LMBRD1: variants seen among roughly 807,000 people sequenced by gnomAD.
LMBRD1 encodes the protein LMBR1 domain containing 1, also known as lysosomal cobalamin transport escort protein LMBD1.
Under a neutral mutation model 74.8 loss-of-function variants are expected in LMBRD1, and 64 were observed. The observed-to-expected ratio is 0.86, with a 90% CI of 0.70 to 1.05. LMBRD1 has a LOEUF of 1.05. LMBRD1 is among the 50% of genes least tolerant of loss of function. The probability of loss-of-function intolerance (pLI) is 0.00; values close to 1 mark genes in which losing one functional copy is unlikely to be tolerated. For missense variants in LMBRD1, 652 were observed against 645.9 expected, an observed-to-expected ratio of 1.01 and a Z score of -0.10; for synonymous variants, 204 against 216.3, an observed-to-expected ratio of 0.94 and a Z score of 0.50.
intron 7 of LMBRD1, among the ~76,000 whole-genome samples, chr6:69,734,488 C>T (rs1209013451): frequency 1.3e-5 from 2 of 151,936 alleles, no homozygotes; most frequent in African/African-American, 2.4e-5. Flanking sequence ...CTCTGCCTGC[C>T]GAATTCAAGC....
chr6:69,788,291 T>C (rs924285315), intron 2 of LMBRD1, among the ~76,000 whole-genome samples: 5 of 152,086 alleles, frequency 3.3e-5, no homozygotes, highest in Non-Finnish European at 7.4e-5. Context: ...CCAGGGATAA[T>C]TATATGACCT....
rs1051088865 is a variant in LMBRD1 at position 69,674,737 on chromosome 6, G to A, written c.*1421C>T. Among the ~76,000 whole-genome samples, 2 of 152,158 alleles carry A rather than the reference G, an allele frequency of 1.3e-5. No homozygotes were observed. Among genetic ancestry groups the A allele is most frequent in the African/African-American group, 4.8e-5 (2 of 41,436 alleles). The stretch of plus-strand genomic sequence containing the variant: ...TGCCTGTAATCCCAGCACTTTGGGA[G>A]GCCACTGTGGGTGGATCATGAGGTC... On this transcript the variant is annotated 3_prime_UTR_variant, in exon 16 of 16. Coordinates refer to ENST00000649934, the MANE Select transcript of LMBRD1 (RefSeq NM_018368.4).
intron 9 of LMBRD1, among the ~76,000 whole-genome samples, chr6:69,704,685 C>T (rs1014568691): frequency 6.6e-5 from 10 of 152,086 alleles, no homozygotes; most frequent in African/African-American, 2.4e-4. Flanking sequence ...TTAATTAAAA[C>T]ATATGCATAT....
chr6:69,735,949 T>G (rs376252490), intron 7 of LMBRD1, among the ~76,000 whole-genome samples: 1 of 152,208 alleles, frequency 6.6e-6, no homozygotes, highest in Non-Finnish European at 1.5e-5. Flanking sequence ...GAATATAGCA[T>G]GTATGTGCCC....
intron 14 of LMBRD1, among the ~76,000 whole-genome samples, chr6:69,695,244 A>C (rs2149841296): frequency 6.6e-6 from 1 of 151,934 alleles, no homozygotes; most frequent in Admixed American, 6.6e-5. Context: ...GTCTCTCCTA[A>C]CTAAAAGAAA....
At chr6:69,747,802 G>C (rs929299537) in intron 5 of LMBRD1, among the ~76,000 whole-genome samples, 1 of 152,158 alleles carries the variant, frequency 6.6e-6, no homozygotes. Context: ...GTTAAATCTA[G>C]ATCACGGCTT....
At chr6:69,790,572 A>G in intron 1 of LMBRD1, 100 bp from the exon 2 acceptor site, 1 of 1,152,364 alleles carries the variant, frequency 8.7e-7, no homozygotes, top group South Asian at 1.3e-5. Context: ...TATGTGAAGT[A>G]AAGGTTATTT....
Position 69,789,226 on chromosome 6 carries a change from T to C in LMBRD1, c.246+1070A>G, listed in dbSNP as rs187145196. ...ACCTAACTACAAAAATATTTTCAAA[T>C]TATTTACCCCATTTGGACCAGGGAT... On this transcript the variant is annotated intron_variant, in intron 2 of 15. Coordinates refer to ENST00000649934, the MANE Select transcript of LMBRD1 (RefSeq NM_018368.4). Among the ~76,000 whole-genome samples the C allele has an allele frequency of 1.2e-3, 180 of 152,246 alleles. 1 individual carries two copies. Among genetic ancestry groups the C allele is most frequent in the South Asian group, 1.5e-3 (7 of 4,814 alleles).
intron 7 of LMBRD1, among the ~76,000 whole-genome samples, chr6:69,719,512 A>G (rs1040052449): frequency 1.3e-5 from 2 of 152,290 alleles, no homozygotes; most frequent in Non-Finnish European, 2.9e-5. Context: ...TGATTAGCAT[A>G]TCAATTATCT....
intron 10 of LMBRD1, 36 bp from the exon 11 acceptor site, chr6:69,701,581 A>G (rs1205579717): frequency 1.5e-6 from 2 of 1,298,544 alleles, no homozygotes; most frequent in Admixed American, 3.6e-5. Context: ...TTTATGTTAT[A>G]CTATCAAATT....
Position 69,723,871 on chromosome 6 carries a change from A to C in LMBRD1, c.637-4790T>G, listed in dbSNP as rs548605579. ...AAACAATAAAAAAGATAGATGAAACAAAAAGTTGGTTTTTTAAAAAGAAAA... is the reference window on the plus strand; with the variant it reads ...AAACAATAAAAAAGATAGATGAAACCAAAAGTTGGTTTTTTAAAAAGAAAA... On this transcript the variant is annotated intron_variant, in intron 7 of 15. Coordinates refer to ENST00000649934, the MANE Select transcript of LMBRD1 (RefSeq NM_018368.4). Among the ~76,000 whole-genome samples, 10 of 152,098 alleles carry C rather than the reference A, an allele frequency of 6.6e-5. No homozygotes were observed. The South Asian group carries it at 2.1e-3, about 32-fold the overall frequency.
chr6:69,735,194 A>G (rs1430161477), intron 7 of LMBRD1, among the ~76,000 whole-genome samples: 2 of 152,208 alleles, frequency 1.3e-5, no homozygotes, highest in Non-Finnish European at 2.9e-5. Context: ...CTCAGGTTGC[A>G]AGGCAGGAAC....
In LMBRD1 at chr6:69,796,806, C is replaced by G. The variant is rs761958751; in HGVS notation, c.69+7G>C. 1 of 1,613,534 alleles carries G rather than the reference C, an allele frequency of 6.2e-7. No individual in the cohort carries two copies. Among genetic ancestry groups the G allele is most frequent in the Non-Finnish European group, 8.5e-7 (1 of 1,179,776 alleles). ...AACATGGGGAAAACTCCAAGCGCCT[C>G]CCCTACCAGTAGTAAGAGGCCGAAT... On this transcript the variant is annotated splice_region_variant and intron_variant, in intron 1 of 15. Coordinates refer to ENST00000649934, the MANE Select transcript of LMBRD1 (RefSeq NM_018368.4).
intron 8 of LMBRD1, among the ~76,000 whole-genome samples, chr6:69,716,315 C>T (rs1766489540): frequency 6.6e-6 from 1 of 152,124 alleles, no homozygotes; most frequent in Admixed American, 6.6e-5. Context: ...GCCATTCTGA[C>T]TGGTATGAGA....
At chr6:69,680,888 C>T (rs998801708) in intron 14 of LMBRD1, among the ~76,000 whole-genome samples, 4 of 152,030 alleles carry the variant, frequency 2.6e-5, no homozygotes. Flanking sequence ...AGCTGCTCAC[C>T]TGAATCACAG....
At chr6:69,784,507 G>A (rs1765902369) in intron 2 of LMBRD1, among the ~76,000 whole-genome samples, 1 of 152,152 alleles carries the variant, frequency 6.6e-6, no homozygotes, top group Non-Finnish European at 1.5e-5. Flanking sequence ...GGTGGACAGA[G>A]TCAGTATACT....
At chr6:69,745,091 C>A (rs1364604900) in intron 5 of LMBRD1, among the ~76,000 whole-genome samples, 1 of 152,064 alleles carries the variant, frequency 6.6e-6, no homozygotes, top group African/African-American at 2.4e-5. Context: ...CCCTCGGCCT[C>A]CCAAAGTGCT....
intron 3 of LMBRD1, among the ~76,000 whole-genome samples, chr6:69,775,033 GGGAA>G: frequency 1.2e-5 from 1 of 81,248 alleles, no homozygotes; most frequent in South Asian, 4.1e-4. Flanking sequence ...GAGGGAGGGA[GGGAA>G]GGAAGGAAAA....
At chr6:69,778,839 T>C (rs1463657715) in intron 3 of LMBRD1, among the ~76,000 whole-genome samples, 2 of 152,102 alleles carry the variant, frequency 1.3e-5, no homozygotes, top group African/African-American at 4.8e-5. Context: ...TAAAATTTCA[T>C]GGGGCCTACA....
Sources: gnomAD v4.1 joint callset for allele counts (sites outside exome capture counted in the v4.1 genomes callset) on GRCh38, gnomAD v4.1.1 for gene constraint, MANE v1.5 for transcripts, NCBI Gene and HGNC (gene_info 2026-07-23, HGNC 2026-07-21) for gene names.